Variants in EIF4G3 observed in about 807,000 individuals in gnomAD.
The protein encoded by EIF4G3 is eukaryotic translation initiation factor 4 gamma 3, also known as eIF-4-gamma 3.
EIF4G3 carries 34 observed loss-of-function variants against 186.4 expected under a neutral mutation model. That is an observed-to-expected ratio of 0.18 (90% confidence interval 0.14 to 0.24). The LOEUF is 0.24. Ranked by LOEUF, EIF4G3 falls within the 10% of genes least tolerant of loss-of-function variation. EIF4G3 has a pLI of 1.00. For missense variants in EIF4G3, 1,536 were observed against 1,948.5 expected (o/e 0.79, Z 3.99); for synonymous variants, 673 against 679.5 (o/e 0.99, Z 0.15).
At chr1:20,886,996 C>T (rs961109619) in intron 18 of EIF4G3, among the ~76,000 whole-genome samples, 2 of 152,188 alleles carry the variant, frequency 1.3e-5, no homozygotes, top group African/African-American at 2.4e-5. Context: ...CCATGTTATA[C>T]TGCCAGCACA....
intron 2 of EIF4G3, among the ~76,000 whole-genome samples, chr1:21,174,279 T>C (rs1024537291): frequency 6.6e-6 from 1 of 152,224 alleles, no homozygotes; most frequent in Non-Finnish European, 1.5e-5. Flanking sequence ...CTTTTGTAAC[T>C]ACTTGAATGT....
chr1:20,953,739 C>A (rs2096304043), intron 12 of EIF4G3, among the ~76,000 whole-genome samples: 2 of 152,152 alleles, frequency 1.3e-5, no homozygotes, highest in South Asian at 4.1e-4. Flanking sequence ...CAACTACAAT[C>A]CTGGGGCCAT....
At chr1:20,818,515 G>A (rs557196030) in intron 33 of EIF4G3, among the ~76,000 whole-genome samples, 29 of 152,140 alleles carry the variant, frequency 1.9e-4, no homozygotes, top group East Asian at 7.7e-4. Context: ...TGTGGCATGC[G>A]CCTGTGGTCC....
intron 2 of EIF4G3, among the ~76,000 whole-genome samples, chr1:21,101,779 T>G (rs1348756131): frequency 2.0e-5 from 3 of 152,054 alleles, no homozygotes; most frequent in Admixed American, 1.3e-4. Context: ...CATCATTATA[T>G]TGTCCAAGAA....
chr1:20,853,103 G>T (rs1311178969), intron 27 of EIF4G3, among the ~76,000 whole-genome samples: 2 of 152,186 alleles, frequency 1.3e-5, no homozygotes, highest in African/African-American at 4.8e-5. Flanking sequence ...CCAGCCAACA[G>T]GATACTTGAC....
At chr1:20,819,031 C>T (rs2061679072) in intron 33 of EIF4G3, among the ~76,000 whole-genome samples, 1 of 152,122 alleles carries the variant, frequency 6.6e-6, no homozygotes, top group Non-Finnish European at 1.5e-5. Context: ...GCCTCCCGAG[C>T]AGCTGAGACT....
Position 20,895,343 on chromosome 1 carries a change from A to C in EIF4G3, c.2133+25T>G, listed in dbSNP as rs141483630. 4.2e-5 allele frequency: 68 copies of C among 1,603,002 alleles called. No individual in the cohort carries two copies. The East Asian group carries it at 1.2e-3, about 29-fold the overall frequency. ...AAATCAGTTCCCACCAAAAAGAACTAGTTTTCTCTGAGTACGCAGCTTACC... is the reference window on the plus strand; with the variant it reads ...AAATCAGTTCCCACCAAAAAGAACTCGTTTTCTCTGAGTACGCAGCTTACC... On this transcript the variant is annotated intron_variant, in intron 17 of 36. Transcript: ENST00000602326.
At position 20,942,112 on chromosome 1, in the gene EIF4G3, T is replaced by C. The variant is rs780268817; in HGVS notation, c.1042A>G (p.Ile348Val). The C allele has an allele frequency of 1.4e-5, 22 of 1,614,018 alleles. No homozygotes were observed. Among genetic ancestry groups the C allele is most frequent in the Admixed American group, 3.3e-5 (2 of 60,002 alleles). The change falls in exon 14 of 37, where the codon ATA becomes GTA. Residue 348 changes from isoleucine to valine, a missense_variant. Ile to Val is a conservative substitution (Grantham distance 29). Around this residue, in one of 11 missense-constraint regions of EIF4G3, gnomAD observed 560 missense variants for 547.8 expected, o/e 1.02. Transcript: ENST00000602326. ...CTGTCATCTATAGCAGTGGTGAATATTGGTTGGCTACTAAGAGCAGAAGAG... is the reference window on the plus strand; with the variant it reads ...CTGTCATCTATAGCAGTGGTGAATACTGGTTGGCTACTAAGAGCAGAAGAG... ...PTSSALSSQP[I>V]FTTAIDDRCE... is the part of the protein sequence containing the mutation.
chr1:20,982,360 A>T, intron 8 of EIF4G3, 28 bp downstream of exon 8: 1 of 1,500,304 alleles, frequency 6.7e-7, no homozygotes, highest in Non-Finnish European at 8.9e-7. Context: ...AGTTATAAAG[A>T]GGCCATGCAG....
At chr1:20,839,423 A>T (rs1248355391) in intron 30 of EIF4G3, among the ~76,000 whole-genome samples, 1 of 152,112 alleles carries the variant, frequency 6.6e-6, no homozygotes, top group Non-Finnish European at 1.5e-5. Context: ...AAAACTTTTT[A>T]ATGGTCCTAG....
At chr1:20,946,880 A>G (rs1478694781) in intron 13 of EIF4G3, among the ~76,000 whole-genome samples, 6 of 152,140 alleles carry the variant, frequency 3.9e-5, no homozygotes, top group Non-Finnish European at 8.8e-5. Flanking sequence ...TTTAGAGTTA[A>G]CATGAGATTG....
intron 4 of EIF4G3, among the ~76,000 whole-genome samples, chr1:21,008,777 T>C (rs571854418): frequency 6.6e-6 from 1 of 152,330 alleles, no homozygotes; most frequent in African/African-American, 2.4e-5. Context: ...GAATGAGTAA[T>C]ACAGAGAATG....
intron 2 of EIF4G3, among the ~76,000 whole-genome samples, chr1:21,165,096 A>G (rs759287114): frequency 1.3e-5 from 2 of 152,230 alleles, no homozygotes; most frequent in African/African-American, 2.4e-5. Flanking sequence ...TCCATTAGCC[A>G]TCAGGGAAAC....
chr1:21,120,596 A>G (rs1198053955), intron 2 of EIF4G3, among the ~76,000 whole-genome samples: 1 of 150,834 alleles, frequency 6.6e-6, no homozygotes, highest in African/African-American at 2.4e-5. Context: ...AGCCTGGACA[A>G]CAGAGTGAGT....
At chr1:21,009,031 TA>T (rs886556006) in intron 4 of EIF4G3, among the ~76,000 whole-genome samples, 6 of 152,214 alleles carry the variant, frequency 3.9e-5, no homozygotes, top group Non-Finnish European at 8.8e-5. Flanking sequence ...GGTAAAGACT[TA>T]AAATCTTAAA....
chr1:20,956,719 C>G (rs1024897481), intron 12 of EIF4G3, among the ~76,000 whole-genome samples: 2 of 151,684 alleles, frequency 1.3e-5, no homozygotes, highest in East Asian at 3.9e-4. Flanking sequence ...GCCACTCAGG[C>G]TGAAGTGCAG....
intron 2 of EIF4G3, among the ~76,000 whole-genome samples, chr1:21,096,288 A>G (rs1257754637): frequency 6.6e-6 from 1 of 152,238 alleles, no homozygotes; most frequent in African/African-American, 2.4e-5. Flanking sequence ...AACAACTCAG[A>G]AAGACAAATA....
chr1:20,873,648 G>T (rs1176875795), intron 20 of EIF4G3, among the ~76,000 whole-genome samples: 1 of 146,528 alleles, frequency 6.8e-6, no homozygotes, highest in African/African-American at 2.5e-5. Flanking sequence ...GAATTTTACA[G>T]AACTATGGTT....
intron 30 of EIF4G3, among the ~76,000 whole-genome samples, chr1:20,839,489 T>C (rs1428939374): frequency 6.6e-6 from 1 of 152,108 alleles, no homozygotes; most frequent in Non-Finnish European, 1.5e-5. Context: ...GCTTGCAAAG[T>C]CAAACGAATA....
Sources: gnomAD v4.1 joint callset for allele counts (sites outside exome capture counted in the v4.1 genomes callset) on GRCh38, gnomAD v4.1.1 for gene constraint, gnomAD v4.1.1 regional missense constraint, MANE v1.5 for transcripts, NCBI Gene and HGNC (gene_info 2026-07-23, HGNC 2026-07-21) for gene names.